Variants in TMEM135 observed in about 807,000 individuals in gnomAD.
TMEM135 encodes the protein transmembrane protein 135.
In TMEM135, 30 loss-of-function variants were observed where a neutral mutation model predicts 60.3. That is an observed-to-expected ratio of 0.50 (90% CI 0.37 to 0.68). The LOEUF (loss-of-function observed/expected upper bound fraction) is 0.68, where lower values mean the gene tolerates loss of function less well. Ranked by LOEUF, TMEM135 falls within the 30% of genes least tolerant of loss-of-function variation. The pLI, the probability that TMEM135 is intolerant of heterozygous loss-of-function variation, is 0.00. For synonymous variants in TMEM135, 190 were observed against 186.7 expected, an observed-to-expected ratio of 1.02 and a Z score of -0.14; for missense variants, 468 against 548.8, an observed-to-expected ratio of 0.85 and a Z score of 1.47.
chr11:87,083,511 T>G (rs186186695), intron 3 of TMEM135, among the ~76,000 whole-genome samples: 1 of 152,332 alleles, frequency 6.6e-6, no homozygotes, highest in Admixed American at 6.5e-5. Context: ...TACTCATTTG[T>G]TGAATTATTA....
At chr11:87,274,513 A>G (rs960361088) in intron 6 of TMEM135, among the ~76,000 whole-genome samples, 4 of 152,196 alleles carry the variant, frequency 2.6e-5, no homozygotes, top group African/African-American at 9.7e-5. Context: ...AGACTAAAAT[A>G]TGCTAAATAT....
chr11:87,282,347 C>G (rs1942075693), intron 6 of TMEM135, among the ~76,000 whole-genome samples: 1 of 152,074 alleles, frequency 6.6e-6, no homozygotes, highest in African/African-American at 2.4e-5. Flanking sequence ...TCACTGCAAC[C>G]TCCGCCTCCC....
At chr11:87,140,508 C>T (rs1163928163) in intron 4 of TMEM135, among the ~76,000 whole-genome samples, 2 of 152,158 alleles carry the variant, frequency 1.3e-5, no homozygotes, top group African/African-American at 2.4e-5. Flanking sequence ...GTTATAGTTA[C>T]AAAGGTAGTT....
chr11:87,299,007 G>GAA (rs1164884145), intron 7 of TMEM135, among the ~76,000 whole-genome samples: 1 of 152,028 alleles, frequency 6.6e-6, no homozygotes, highest in Non-Finnish European at 1.5e-5. Context: ...AGAATTGCTT[G>GAA]AAACCAGAAG....
intron 12 of TMEM135, among the ~76,000 whole-genome samples, chr11:87,316,203 T>C (rs1942724877): frequency 6.6e-6 from 1 of 152,006 alleles, no homozygotes; most frequent in Non-Finnish European, 1.5e-5. Context: ...CATAGTGATA[T>C]TTCTAATTCA....
chr11:87,248,020 TAAAAAAA>T (rs937741409), intron 6 of TMEM135, among the ~76,000 whole-genome samples: 4 of 20,254 alleles, frequency 2.0e-4, no homozygotes, highest in Non-Finnish European at 5.5e-4. Flanking sequence ...ATAGCCTTTT[TAAAAAAA>T]AAAAAAAAAA....
chr11:87,291,418 C>A (rs1437329576), intron 6 of TMEM135, among the ~76,000 whole-genome samples: 1 of 151,186 alleles, frequency 6.6e-6, no homozygotes, highest in Admixed American at 6.6e-5. Flanking sequence ...CCACCTTCTA[C>A]AACTATGATC....
chr11:87,113,612 G>C (rs1405864408), intron 4 of TMEM135, among the ~76,000 whole-genome samples: 4 of 152,058 alleles, frequency 2.6e-5, no homozygotes, highest in African/African-American at 9.7e-5. Context: ...AGAGTGGAAA[G>C]AAAACTGATT....
chr11:87,266,960 G>A (rs61904503), intron 6 of TMEM135, among the ~76,000 whole-genome samples: 46,997 of 151,820 alleles, frequency 0.31, 8,666 homozygotes, highest in Non-Finnish European at 0.42. Flanking sequence ...TTTCATCTCC[G>A]GTTGGAGTTT....
intron 3 of TMEM135, among the ~76,000 whole-genome samples, chr11:87,074,180 G>A (rs1856826673): frequency 2.0e-5 from 3 of 152,150 alleles, no homozygotes; most frequent in Admixed American, 2.0e-4. Flanking sequence ...TGGCCAGGCT[G>A]GTCTCGAACT....
intron 3 of TMEM135, among the ~76,000 whole-genome samples, chr11:87,083,592 A>G (rs1857033460): frequency 6.6e-6 from 1 of 152,218 alleles, no homozygotes; most frequent in Non-Finnish European, 1.5e-5. Context: ...TAATATGGGA[A>G]TAAAAGAATA....
chr11:87,247,771 G>C (rs138614248), intron 6 of TMEM135, among the ~76,000 whole-genome samples: 1,531 of 152,218 alleles, frequency 0.01, 31 homozygotes, highest in African/African-American at 0.034. Context: ...CCCTTTCTTT[G>C]ACTAGGAAAG....
At chr11:87,097,685 G>C (rs1297835828) in intron 4 of TMEM135, among the ~76,000 whole-genome samples, 1 of 152,124 alleles carries the variant, frequency 6.6e-6, no homozygotes, top group East Asian at 1.9e-4. Context: ...CAGCCACACT[G>C]CCCTCTCTGG....
At chr11:87,292,331 C>T (rs1014389977) in intron 6 of TMEM135, among the ~76,000 whole-genome samples, 4 of 152,194 alleles carry the variant, frequency 2.6e-5, no homozygotes, top group Non-Finnish European at 4.4e-5. Context: ...AGAATGCCAG[C>T]TCTATGAAAC....
intron 5 of TMEM135, among the ~76,000 whole-genome samples, chr11:87,187,465 C>T (rs1939680919): frequency 6.6e-6 from 1 of 152,156 alleles, no homozygotes; most frequent in Non-Finnish European, 1.5e-5. Context: ...CTATTGAACT[C>T]GATATAACCC....
intron 4 of TMEM135, among the ~76,000 whole-genome samples, chr11:87,114,307 TTAAA>T (rs1291231911): frequency 6.6e-6 from 1 of 152,198 alleles, no homozygotes; most frequent in African/African-American, 2.4e-5. Context: ...TCATCCAAGT[TTAAA>T]TAGGAACTCA....
intron 6 of TMEM135, among the ~76,000 whole-genome samples, chr11:87,255,996 T>G (rs775488306): frequency 2.6e-5 from 4 of 152,210 alleles, no homozygotes; most frequent in Admixed American, 6.5e-5. Context: ...TTTAACTTTA[T>G]AATGAAATAC....
intron 10 of TMEM135, among the ~76,000 whole-genome samples, chr11:87,312,793 A>G (rs182651270): frequency 6.6e-6 from 1 of 151,948 alleles, no homozygotes; most frequent in Non-Finnish European, 1.5e-5. Context: ...TTGGCTAGTG[A>G]GCCATAGTTT....
At chr11:87,265,784 T>G (rs1941736337) in intron 6 of TMEM135, among the ~76,000 whole-genome samples, 1 of 152,110 alleles carries the variant, frequency 6.6e-6, no homozygotes, top group South Asian at 2.1e-4. Flanking sequence ...ATCCCTTAGG[T>G]CATAGCTTAT....
Sources: gnomAD v4.1 joint callset for allele counts (sites outside exome capture counted in the v4.1 genomes callset) on GRCh38, gnomAD v4.1.1 for gene constraint, MANE v1.5 for transcripts, NCBI Gene and HGNC (gene_info 2026-07-23, HGNC 2026-07-21) for gene names.